Variants in MALL observed in about 807,000 individuals in gnomAD.
The protein encoded by MALL is MAL-like protein.
MALL carries 2 observed loss-of-function variants against 10.3 expected under a neutral mutation model. The observed-to-expected ratio is 0.19, with a 90% CI of 0.08 to 0.61. The LOEUF (loss-of-function observed/expected upper bound fraction) is 0.61. Among genes scored for constraint, MALL ranks in the 20% least tolerant of loss-of-function variants. The pLI, the probability that MALL is intolerant of heterozygous loss-of-function variation, is 0.88. For synonymous variants in MALL, 27 were observed against 51.8 expected, an observed-to-expected ratio of 0.52 and a Z score of 2.05; for missense variants, 39 against 115.2, an observed-to-expected ratio of 0.34 and a Z score of 3.03.
At position 110,115,026 on chromosome 2, in the gene MALL, C is replaced by G. The variant is rs17842651; in HGVS notation, c.105+662G>C. Among the ~76,000 whole-genome samples, 1,463 of 152,076 alleles carry G rather than the reference C, an allele frequency of 9.6e-3. 20 individuals are homozygous for G. The highest frequency in any genetic ancestry group is 0.034 in the African/African-American group (1,409 of 41,496). On this transcript the variant is annotated intron_variant, in intron 1 of 3. Coordinates refer to ENST00000272462, the MANE Select transcript of MALL (RefSeq NM_005434.5). ...GGGCCACGACTCAGTCGTAGGGCGC[C>G]CCAGAGAGTAACACAGCGACAGGTT...
upstream of MALL, among the ~76,000 whole-genome samples, chr2:110,117,624 T>TGTGTGTGTGA (rs1292836050): frequency 5.7e-5 from 7 of 122,798 alleles, no homozygotes; most frequent in African/African-American, 2.2e-4. Flanking sequence ...TGTGTGTGTG[T>TGTGTGTGTGA]GAGAGAGAGA....
rs188223576 is a variant in MALL, at chr2:110,100,935, C to T, written c.106-9165G>A. ...CTGTGGGGCTGGAACTCCCTGTATC[C>T]GAGCTAGGGTCTTCCACACGCATGC... On this transcript the variant is annotated intron_variant, in intron 1 of 3. Coordinates refer to ENST00000272462, the MANE Select transcript of MALL (RefSeq NM_005434.5). 2.4e-3 allele frequency among the ~76,000 whole-genome samples: 370 copies of T among 152,222 alleles called. 2 individuals carry two copies. Among genetic ancestry groups the T allele is most frequent in the African/African-American group, 8.5e-3 (352 of 41,548 alleles).
At chr2:110,095,774 C>G (rs771865310) in intron 1 of MALL, among the ~76,000 whole-genome samples, 5 of 151,734 alleles carry the variant, frequency 3.3e-5, no homozygotes, top group Non-Finnish European at 5.9e-5. Flanking sequence ...GGGCTGATAC[C>G]AGGTTTGGAG....
At chr2:110,105,732 T>C (rs1678673270) in intron 1 of MALL, among the ~76,000 whole-genome samples, 1 of 152,050 alleles carries the variant, frequency 6.6e-6, no homozygotes, top group Non-Finnish European at 1.5e-5. Context: ...TAAGGCACAG[T>C]TGGAAGGAAG....
intron 1 of MALL, among the ~76,000 whole-genome samples, chr2:110,105,017 C>T (rs946263190): frequency 4.6e-5 from 7 of 152,198 alleles, no homozygotes; most frequent in East Asian, 1.9e-4. Flanking sequence ...CTCACCATGT[C>T]CTGACATTTC....
chr2:110,101,428 C>T (rs530241837), intron 1 of MALL, among the ~76,000 whole-genome samples: 13 of 152,316 alleles, frequency 8.5e-5, no homozygotes, highest in Admixed American at 4.6e-4. Context: ...GCCCAGGCCC[C>T]TAAGGCCTCC....
At chr2:110,099,250 C>T (rs550482055) in intron 1 of MALL, among the ~76,000 whole-genome samples, 80 of 152,246 alleles carry the variant, frequency 5.3e-4, no homozygotes, top group African/African-American at 1.9e-3. Flanking sequence ...GAAGGCAGAG[C>T]GTCACCTTGC....
chr2:110,101,089 T>C (rs1678554740), intron 1 of MALL, among the ~76,000 whole-genome samples: 1 of 152,238 alleles, frequency 6.6e-6, no homozygotes, highest in South Asian at 2.1e-4. Context: ...ACCTGGGTGC[T>C]GCTTATAGCC....
At chr2:110,106,693 C>T (rs1003492458) in intron 1 of MALL, among the ~76,000 whole-genome samples, 2 of 152,094 alleles carry the variant, frequency 1.3e-5, no homozygotes, top group African/African-American at 2.4e-5. Context: ...CTTACTACAC[C>T]ACCCAGCAAT....
chr2:110,112,090 GA>G (rs1376744940), intron 1 of MALL, among the ~76,000 whole-genome samples: 1 of 152,130 alleles, frequency 6.6e-6, no homozygotes, highest in Non-Finnish European at 1.5e-5. Context: ...ACTCAAGATG[GA>G]TTAAGGACTT....
chr2:110,117,624 T>TGA (rs70958730), upstream of MALL, among the ~76,000 whole-genome samples: 113 of 122,794 alleles, frequency 9.2e-4, no homozygotes, highest in South Asian at 3.0e-3. Context: ...TGTGTGTGTG[T>TGA]GAGAGAGAGA....
intron 1 of MALL, among the ~76,000 whole-genome samples, chr2:110,099,933 G>A (rs909189656): frequency 5.9e-5 from 9 of 151,982 alleles, no homozygotes; most frequent in African/African-American, 1.5e-4. Flanking sequence ...CCCAGCCAGC[G>A]ACAGCCCTTT....
chr2:110,112,304 GAGTGGGAGAAA>G (rs1678821318), intron 1 of MALL, among the ~76,000 whole-genome samples: 1 of 152,166 alleles, frequency 6.6e-6, no homozygotes, highest in Non-Finnish European at 1.5e-5. Flanking sequence ...ATAACCCACA[GAGTGGGAGAAA>G]ATCTTCGCAA....
intron 1 of MALL, among the ~76,000 whole-genome samples, chr2:110,103,961 AG>A (rs1678633175): frequency 6.6e-6 from 1 of 152,130 alleles, no homozygotes; most frequent in Non-Finnish European, 1.5e-5. Context: ...AGGTTCTGGC[AG>A]GGGAGGACTT....
chr2:110,110,083 AAGTTCAT>A (rs944436203), intron 1 of MALL, among the ~76,000 whole-genome samples: 84 of 152,262 alleles, frequency 5.5e-4, no homozygotes, highest in African/African-American at 2.0e-3. Context: ...GTTAAGAGGA[AAGTTCAT>A]AGCCCTAAAC....
At chr2:110,115,427 T>G (rs1574039372) in intron 1 of MALL, among the ~76,000 whole-genome samples, 1 of 149,240 alleles carries the variant, frequency 6.7e-6, no homozygotes, top group East Asian at 2.0e-4. Flanking sequence ...CGCCCCGCTG[T>G]GCGCCCGGTG....
rs569288750 is a variant in MALL at position 110,099,880 on chromosome 2, C to T, written c.106-8110G>A. On this transcript the variant is annotated intron_variant, in intron 1 of 3. Coordinates refer to ENST00000272462, the MANE Select transcript of MALL (RefSeq NM_005434.5). The stretch of plus-strand genomic sequence containing the variant: ...ACACGACCGAGCTGCTGACCCAGAT[C>T]GCAGGACACGAGATAGTGCATTTCC... Among the ~76,000 whole-genome samples, 13 of 152,210 alleles carry T rather than the reference C, an allele frequency of 8.5e-5. 2 individuals are homozygous for T. The South Asian group carries it at 1.2e-3, about 15-fold the overall frequency.
chr2:110,098,432 C>T (rs918425448), intron 1 of MALL, among the ~76,000 whole-genome samples: 6 of 152,204 alleles, frequency 3.9e-5, no homozygotes. Flanking sequence ...TTTCCGTCTA[C>T]TCTGGGTACC....
chr2:110,113,480 T>C (rs1438354409), intron 1 of MALL, among the ~76,000 whole-genome samples: 3 of 145,260 alleles, frequency 2.1e-5, no homozygotes, highest in African/African-American at 7.7e-5. Context: ...TGTAGTGCAG[T>C]GTATACATGG....
Sources: gnomAD v4.1 joint callset for allele counts (sites outside exome capture counted in the v4.1 genomes callset) on GRCh38, gnomAD v4.1.1 for gene constraint, MANE v1.5 for transcripts, NCBI Gene and HGNC (gene_info 2026-07-23, HGNC 2026-07-21) for gene names.